The following DLGAP2 variants were observed in gnomAD, a reference collection of about 807,000 sequenced individuals.
DLGAP2 encodes disks large-associated protein 2.
DLGAP2 carries 26 observed loss-of-function variants against 100.3 expected under a neutral mutation model. That is an observed-to-expected ratio of 0.26 (90% confidence interval 0.19 to 0.36). The LOEUF (loss-of-function observed/expected upper bound fraction) is 0.36. Ranked by LOEUF, DLGAP2 falls within the 10% of genes least tolerant of loss-of-function variation. The pLI is 1.00. For missense variants in DLGAP2, 1,858 were observed against 1,453.2 expected (o/e 1.28, Z -4.53); for synonymous variants, 886 against 630.1 (o/e 1.41, Z -6.08).
intron 1 of DLGAP2, among the ~76,000 whole-genome samples, chr8:759,765 T>A (rs1239654650): frequency 6.6e-6 from 1 of 152,214 alleles, no homozygotes; most frequent in Non-Finnish European, 1.5e-5. Flanking sequence ...ACATTAAGTA[T>A]TTACTACCTC....
intron 1 of DLGAP2, among the ~76,000 whole-genome samples, chr8:766,080 T>C (rs747509657): frequency 6.6e-6 from 1 of 152,156 alleles, no homozygotes; most frequent in Non-Finnish European, 1.5e-5. Flanking sequence ...GGCAGGAGAA[T>C]TGCTTGAACC....
At chr8:1,576,357 T>TC (rs1563231747) in intron 6 of DLGAP2, among the ~76,000 whole-genome samples, 1 of 152,226 alleles carries the variant, frequency 6.6e-6, no homozygotes, top group African/African-American at 2.4e-5. Flanking sequence ...CTTTGTAGAT[T>TC]CTGGATATTA....
chr8:1,194,716 C>T (rs369945523), intron 2 of DLGAP2, among the ~76,000 whole-genome samples: 28 of 152,288 alleles, frequency 1.8e-4, no homozygotes, highest in Middle Eastern at 3.4e-3. Flanking sequence ...GTGTCCTGGG[C>T]GGCTGTGGAG....
intron 4 of DLGAP2, among the ~76,000 whole-genome samples, chr8:1,544,813 A>C (rs998401318): frequency 1.8e-4 from 27 of 151,696 alleles, no homozygotes; most frequent in Admixed American, 3.3e-4. Context: ...GCTCATTGCA[A>C]CTTCTGCCTC....
intron 1 of DLGAP2, among the ~76,000 whole-genome samples, chr8:855,049 GGTA>G (rs1797251158): frequency 6.6e-6 from 1 of 152,334 alleles, no homozygotes; most frequent in African/African-American, 2.4e-5. Context: ...AGGGAGTGAT[GGTA>G]GGCGCTTGCC....
At chr8:762,630 C>T (rs1821115008) in intron 1 of DLGAP2, among the ~76,000 whole-genome samples, 1 of 152,052 alleles carries the variant, frequency 6.6e-6, no homozygotes, top group South Asian at 2.1e-4. Context: ...GAGTATGACT[C>T]TTGAGGTCCA....
At chr8:812,702 A>G (rs1268290275) in intron 1 of DLGAP2, among the ~76,000 whole-genome samples, 3 of 152,238 alleles carry the variant, frequency 2.0e-5, no homozygotes, top group African/African-American at 4.8e-5. Context: ...CTGAGATTTA[A>G]TCAAAGCTTT....
intron 4 of DLGAP2, among the ~76,000 whole-genome samples, chr8:1,527,138 G>A (rs1475444908): frequency 6.6e-6 from 1 of 152,184 alleles, no homozygotes; most frequent in East Asian, 1.9e-4. Context: ...ACGTTCACAC[G>A]CCCTATCCAA....
At chr8:771,507 A>G (rs765170363) in intron 1 of DLGAP2, among the ~76,000 whole-genome samples, 10 of 152,226 alleles carry the variant, frequency 6.6e-5, no homozygotes, top group Non-Finnish European at 1.2e-4. Flanking sequence ...TCTGTCACTA[A>G]GTACTTGCTA....
At chr8:877,606 T>A (rs1356713597) in intron 1 of DLGAP2, among the ~76,000 whole-genome samples, 2 of 152,254 alleles carry the variant, frequency 1.3e-5, no homozygotes, top group Non-Finnish European at 2.9e-5. Flanking sequence ...AGGTTCCTGT[T>A]TGATACTTGC....
At chr8:1,370,990 A>T (rs1350538913) in intron 3 of DLGAP2, among the ~76,000 whole-genome samples, 3 of 152,266 alleles carry the variant, frequency 2.0e-5, no homozygotes, top group Non-Finnish European at 4.4e-5. Flanking sequence ...CACCATGGAT[A>T]GTAAGTAGTT....
chr8:1,699,156 G>C (rs1041896229), intron 14 of DLGAP2, among the ~76,000 whole-genome samples: 1 of 152,224 alleles, frequency 6.6e-6, no homozygotes, highest in Non-Finnish European at 1.5e-5. Context: ...CCATTCTTTG[G>C]TCATTGAGAG....
At chr8:1,189,591 A>C (rs933039656) in intron 2 of DLGAP2, among the ~76,000 whole-genome samples, 4 of 152,204 alleles carry the variant, frequency 2.6e-5, no homozygotes, top group East Asian at 1.9e-4. Context: ...ATTGTGTAGA[A>C]ACAGTATTTT....
intron 2 of DLGAP2, among the ~76,000 whole-genome samples, chr8:1,168,396 A>C (rs2116670313): frequency 6.6e-6 from 1 of 152,090 alleles, no homozygotes. Flanking sequence ...GTATATGCCC[A>C]GTAATGGGAT....
chr8:955,017 G>A (rs908788138), intron 2 of DLGAP2, among the ~76,000 whole-genome samples: 3 of 152,010 alleles, frequency 2.0e-5, no homozygotes, highest in Admixed American at 6.5e-5. Flanking sequence ...TCCACAGAAC[G>A]GTTTCATTTT....
Position 1,263,752 on chromosome 8 carries a change from G to A in DLGAP2, c.106+4869G>A, listed in dbSNP as rs565442617. 1.1e-4 allele frequency among the ~76,000 whole-genome samples: 17 copies of A among 152,204 alleles called. No homozygotes were observed. In the South Asian group the frequency reaches 3.3e-3, roughly 30 times the overall value. ...ATTGAAGAGCTTAGAAATAACCCCA[G>A]CCCTGTTCTCTGCTCTCTGTGGAGA... On this transcript the variant is annotated intron_variant, in intron 3 of 14. Coordinates refer to ENST00000637795, the MANE Select transcript of DLGAP2 (RefSeq NM_001346810.2).
intron 2 of DLGAP2, among the ~76,000 whole-genome samples, chr8:1,074,279 C>T (rs1225021588): frequency 1.3e-5 from 2 of 151,472 alleles, no homozygotes; most frequent in South Asian, 4.2e-4. Context: ...GCTGAACTCA[C>T]CCAGGTACAT....
chr8:1,392,929 C>G (rs1241194811), intron 3 of DLGAP2, among the ~76,000 whole-genome samples: 1 of 127,476 alleles, frequency 7.8e-6, no homozygotes, highest in Admixed American at 8.2e-5. Flanking sequence ...TCTTTTTTTA[C>G]AACTATTCCC....
At chr8:1,188,266 C>A (rs561793690) in intron 2 of DLGAP2, among the ~76,000 whole-genome samples, 1 of 130,332 alleles carries the variant, frequency 7.7e-6, no homozygotes, top group Non-Finnish European at 1.6e-5. Context: ...CTCACACGCC[C>A]GGGACCTCTG....
Sources: gnomAD v4.1 joint callset for allele counts (sites outside exome capture counted in the v4.1 genomes callset) on GRCh38, gnomAD v4.1.1 for gene constraint, MANE v1.5 for transcripts, NCBI Gene and HGNC (gene_info 2026-07-23, HGNC 2026-07-21) for gene names.